MYRIP: variants seen among roughly 807,000 people sequenced by gnomAD.
MYRIP encodes the protein myosin VIIA and Rab interacting protein.
A neutral mutation model predicts 98.0 loss-of-function variants in MYRIP; 49 were observed. That is an observed-to-expected ratio of 0.50 (90% CI 0.40 to 0.63). The LOEUF (loss-of-function observed/expected upper bound fraction) is 0.63, where lower values mean the gene tolerates loss of function less well. Among genes scored for constraint, MYRIP ranks in the 30% least tolerant of loss-of-function variants. MYRIP has a pLI of 0.00. For synonymous variants in MYRIP, 404 were observed against 409.5 expected, an observed-to-expected ratio of 0.99 and a Z score of 0.16; for missense variants, 1,004 against 1,058.2, an observed-to-expected ratio of 0.95 and a Z score of 0.71.
At chr3:39,924,396 G>T (rs1457876138) in intron 2 of MYRIP, among the ~76,000 whole-genome samples, 1 of 152,074 alleles carries the variant, frequency 6.6e-6, no homozygotes, top group African/African-American at 2.4e-5. Flanking sequence ...GAGGGGCATT[G>T]CATAATGATA....
intron 2 of MYRIP, among the ~76,000 whole-genome samples, chr3:39,968,036 T>C (rs1334562114): frequency 3.3e-5 from 5 of 152,196 alleles, no homozygotes; most frequent in Admixed American, 2.0e-4. Flanking sequence ...GGTTGTCTAC[T>C]CTGCTGATAG....
At chr3:40,036,616 A>C (rs555858955) in intron 2 of MYRIP, among the ~76,000 whole-genome samples, 1 of 152,210 alleles carries the variant, frequency 6.6e-6, no homozygotes, top group African/African-American at 2.4e-5. Flanking sequence ...GCAAATAAAA[A>C]ATACGCTTTC....
chr3:40,218,678 C>T (rs552335521), intron 11 of MYRIP, among the ~76,000 whole-genome samples: 21 of 138,314 alleles, frequency 1.5e-4, no homozygotes, highest in African/African-American at 5.9e-4. Flanking sequence ...ATACATAATG[C>T]CCTGGAATAA....
chr3:40,173,893 C>A (rs1446379677), intron 8 of MYRIP: 1 of 152,192 alleles, frequency 6.6e-6, no homozygotes, highest in Non-Finnish European at 1.5e-5. Flanking sequence ...GCTTTGACAT[C>A]AATGTAAAGA....
intron 2 of MYRIP, among the ~76,000 whole-genome samples, chr3:39,909,933 C>A (rs1213796165): frequency 1.3e-5 from 2 of 152,124 alleles, no homozygotes; most frequent in African/African-American, 4.8e-5. Flanking sequence ...ACTCTGTCAC[C>A]CAGGCTGGAG....
chr3:40,172,418 T>C (rs1039712873), intron 8 of MYRIP, among the ~76,000 whole-genome samples: 6 of 151,934 alleles, frequency 3.9e-5, no homozygotes, highest in African/African-American at 1.5e-4. Flanking sequence ...ATGGCATGCA[T>C]GGAGGCTCTA....
chr3:40,113,729 G>T (rs113641866), intron 3 of MYRIP, among the ~76,000 whole-genome samples: 1 of 151,630 alleles, frequency 6.6e-6, no homozygotes, highest in Non-Finnish European at 1.5e-5. Flanking sequence ...TCGCTCTTTC[G>T]CCCAGGCCAG....
chr3:40,213,634 A>G (rs1261873820), intron 11 of MYRIP, among the ~76,000 whole-genome samples: 3 of 152,160 alleles, frequency 2.0e-5, no homozygotes, highest in African/African-American at 7.2e-5. Flanking sequence ...ACACAGACAC[A>G]CACACACACT....
intron 10 of MYRIP, among the ~76,000 whole-genome samples, chr3:40,204,293 G>A (rs1951736570): frequency 7.6e-6 from 1 of 131,638 alleles, no homozygotes; most frequent in Admixed American, 9.3e-5. Context: ...GCAGTGGTAC[G>A]AGCTCAGCTC....
At chr3:39,895,936 T>C (rs375029736) in intron 1 of MYRIP, among the ~76,000 whole-genome samples, 21 of 129,904 alleles carry the variant, frequency 1.6e-4, no homozygotes, top group South Asian at 5.0e-4. Flanking sequence ...TGTGTGTGTG[T>C]GCGCGTGCAC....
Position 40,034,497 on chromosome 3 carries a change from G to A in MYRIP, c.111-9553G>A, listed in dbSNP as rs903708031. Among the ~76,000 whole-genome samples, 1,451 of 151,986 alleles carry A rather than the reference G, an allele frequency of 9.5e-3. 27 individuals are homozygous for A. The highest frequency in any genetic ancestry group is 0.032 in the African/African-American group (1,330 of 41,382). ...ATGCTCATCATCACTGGCCATCAGA[G>A]AAATGCAAATCAAAACCACAATGAG... is the stretch of plus-strand genomic sequence containing the variant. On this transcript the variant is annotated intron_variant, in intron 2 of 16. Transcript: ENST00000302541.
intron 12 of MYRIP, chr3:40,238,588 A>G (rs934156073): frequency 6.6e-6 from 1 of 152,228 alleles, no homozygotes; most frequent in Non-Finnish European, 1.5e-5. Flanking sequence ...GAGAATGTTC[A>G]CCTTTAAAAA....
At chr3:40,073,011 T>G (rs1007310364) in intron 3 of MYRIP, among the ~76,000 whole-genome samples, 6 of 152,178 alleles carry the variant, frequency 3.9e-5, no homozygotes, top group Non-Finnish European at 7.3e-5. Flanking sequence ...ATTCATATTT[T>G]GAGTTCCAGG....
chr3:39,951,637 A>G (rs1945019114), intron 2 of MYRIP, among the ~76,000 whole-genome samples: 1 of 152,158 alleles, frequency 6.6e-6, no homozygotes, highest in South Asian at 2.1e-4. Context: ...TTTTCACATT[A>G]TGAAATATTA....
chr3:39,939,535 A>G (rs777677259), intron 2 of MYRIP, among the ~76,000 whole-genome samples: 4 of 152,108 alleles, frequency 2.6e-5, no homozygotes, highest in Non-Finnish European at 5.9e-5. Context: ...CAAAGGCCTA[A>G]CAGTGATTGT....
chr3:40,137,432 C>T (rs1575567973), intron 3 of MYRIP, among the ~76,000 whole-genome samples: 1 of 152,144 alleles, frequency 6.6e-6, no homozygotes, highest in East Asian at 1.9e-4. Context: ...CAGATGGATT[C>T]ACAGCCAAAT....
At chr3:39,874,632 C>A (rs908741253) in intron 1 of MYRIP, among the ~76,000 whole-genome samples, 3 of 151,998 alleles carry the variant, frequency 2.0e-5, no homozygotes, top group Non-Finnish European at 4.4e-5. Flanking sequence ...TGTTTATATG[C>A]TGGATTACAT....
At chr3:39,925,985 C>T (rs1487410618) in intron 2 of MYRIP, among the ~76,000 whole-genome samples, 1 of 152,090 alleles carries the variant, frequency 6.6e-6, no homozygotes, top group Non-Finnish European at 1.5e-5. Context: ...ACAACCTCAC[C>T]AACACCTGTT....
intron 2 of MYRIP, among the ~76,000 whole-genome samples, chr3:39,963,725 GTATATT>G (rs1452002194): frequency 6.6e-6 from 1 of 152,036 alleles, no homozygotes; most frequent in Non-Finnish European, 1.5e-5. Context: ...CTGAACATGT[GTATATT>G]TATATTTCTA....
Sources: gnomAD v4.1 joint callset for allele counts (sites outside exome capture counted in the v4.1 genomes callset) on GRCh38, gnomAD v4.1.1 for gene constraint, MANE v1.5 for transcripts, NCBI Gene and HGNC (gene_info 2026-07-23, HGNC 2026-07-21) for gene names.